Variants in CTNNA3 observed in about 807,000 individuals in gnomAD.
CTNNA3 encodes the protein catenin alpha 3.
In CTNNA3, 76 loss-of-function variants were observed where a neutral mutation model predicts 95.7. That is an observed-to-expected ratio of 0.79 (90% CI 0.66 to 0.96). The LOEUF (loss-of-function observed/expected upper bound fraction) is 0.96, where lower values mean the gene tolerates loss of function less well. Among genes scored for constraint, CTNNA3 ranks in the 40% least tolerant of loss-of-function variants. CTNNA3 has a pLI of 0.00. For synonymous variants in CTNNA3, 431 were observed against 374.4 expected (o/e 1.15, Z -1.74); for missense variants, 1,191 against 1,089.8 (o/e 1.09, Z -1.31).
intron 7 of CTNNA3, among the ~76,000 whole-genome samples, chr10:67,178,254 G>A (rs1862338151): frequency 6.6e-6 from 1 of 152,082 alleles, no homozygotes; most frequent in South Asian, 2.1e-4. Context: ...CACTTTATAA[G>A]TACCTCTATA....
intron 5 of CTNNA3, among the ~76,000 whole-genome samples, chr10:67,357,910 C>T (rs78299224): frequency 0.025 from 3,770 of 152,016 alleles, 163 homozygotes; most frequent in African/African-American, 0.085. Context: ...CAGTAATCAC[C>T]GCAACACATT....
intron 5 of CTNNA3, among the ~76,000 whole-genome samples, chr10:67,501,510 G>C (rs1044533680): frequency 1.3e-5 from 2 of 152,124 alleles, no homozygotes; most frequent in Non-Finnish European, 2.9e-5. Context: ...ATGTTGGCCT[G>C]TCTTGCTAGG....
chr10:67,576,775 A>G (rs1479846307), intron 3 of CTNNA3, among the ~76,000 whole-genome samples: 5 of 106,248 alleles, frequency 4.7e-5, no homozygotes, highest in Non-Finnish European at 8.2e-5. Flanking sequence ...TCATTGTTCA[A>G]TTCCCACCTA....
rs111425421 is a variant in CTNNA3 at position 66,103,198 on chromosome 10, G to A, written c.1936C>T (p.Arg646Cys). Residue 646 changes from arginine (R) to cysteine (C), a missense_variant, in exon 14 of 18, where the codon CGC (arginine) becomes TGC (cysteine). Physicochemically the swap from Arg to Cys is radical, Grantham distance 180 (BLOSUM62 -3). Transcript: ENST00000433211. ...TCGGTCTGAATGCTGGTGTGACTGC[G>A]GACCTCGTGTTCCTCTTCAAGGTCA... ...VSDLEEEHEV[R>C]SHTSIQTEGK... is the part of the protein sequence containing the mutation. The A allele has an allele frequency of 2.2e-4, 354 of 1,614,052 alleles. 3 individuals carry two copies. In the African/African-American group the frequency reaches 3.9e-3, roughly 18 times the overall value.
intron 4 of CTNNA3, among the ~76,000 whole-genome samples, chr10:67,529,643 A>C (rs1840260577): frequency 6.6e-6 from 1 of 151,152 alleles, no homozygotes; most frequent in South Asian, 2.1e-4. Context: ...AAAGTATAAT[A>C]ATAATACAAT....
intron 5 of CTNNA3, among the ~76,000 whole-genome samples, chr10:67,392,755 A>G (rs933677488): frequency 3.9e-5 from 6 of 152,180 alleles, no homozygotes; most frequent in South Asian, 2.1e-4. Flanking sequence ...TGTCCTTTGT[A>G]GGGACATGGA....
At chr10:66,107,746 C>T (rs2081964135) in intron 13 of CTNNA3, among the ~76,000 whole-genome samples, 1 of 151,360 alleles carries the variant, frequency 6.6e-6, no homozygotes, top group African/African-American at 2.4e-5. Flanking sequence ...CTTGCGCAGA[C>T]TTTATAAATA....
At chr10:66,888,538 T>G in intron 7 of CTNNA3, among the ~76,000 whole-genome samples, 1 of 133,872 alleles carries the variant, frequency 7.5e-6, no homozygotes, top group Admixed American at 7.6e-5. Flanking sequence ...CAGGTCATGG[T>G]AGTTTTTCAT....
intron 5 of CTNNA3, among the ~76,000 whole-genome samples, chr10:67,301,924 G>A (rs1007488309): frequency 2.0e-5 from 3 of 150,534 alleles, no homozygotes; most frequent in South Asian, 2.1e-4. Flanking sequence ...AGCGGAGATC[G>A]CGCCACTGCA....
At chr10:66,923,423 T>C (rs1846894995) in intron 7 of CTNNA3, among the ~76,000 whole-genome samples, 1 of 152,152 alleles carries the variant, frequency 6.6e-6, no homozygotes, top group East Asian at 1.9e-4. Context: ...TCTCAATGAC[T>C]ACGTGGGAGA....
At chr10:67,589,162 A>G (rs1004562958) in intron 3 of CTNNA3, among the ~76,000 whole-genome samples, 3 of 152,150 alleles carry the variant, frequency 2.0e-5, no homozygotes, top group African/African-American at 7.2e-5. Flanking sequence ...CTACTTAATA[A>G]TGGAAAATGA....
intron 5 of CTNNA3, among the ~76,000 whole-genome samples, chr10:67,263,785 G>A (rs547041926): frequency 6.6e-6 from 1 of 152,278 alleles, no homozygotes; most frequent in East Asian, 1.9e-4. Flanking sequence ...AGGGTAATGA[G>A]AATTCTGCTG....
At chr10:66,851,633 TACACACA>T (rs1843498327) in intron 7 of CTNNA3, among the ~76,000 whole-genome samples, 1 of 144,380 alleles carries the variant, frequency 6.9e-6, no homozygotes, top group Non-Finnish European at 1.5e-5. Context: ...TTCTCTCACA[TACACACA>T]CACACACACA....
intron 5 of CTNNA3, among the ~76,000 whole-genome samples, chr10:67,424,276 A>C (rs1589276630): frequency 6.6e-6 from 1 of 152,288 alleles, no homozygotes; most frequent in East Asian, 1.9e-4. Context: ...AAGATAATAA[A>C]ATTCTTCAAC....
intron 13 of CTNNA3, among the ~76,000 whole-genome samples, chr10:66,201,591 C>G (rs917508922): frequency 1.1e-4 from 16 of 152,168 alleles, no homozygotes; most frequent in Non-Finnish European, 1.6e-4. Flanking sequence ...GATGTTACTT[C>G]TTTTATCTAC....
At chr10:67,232,472 G>T (rs1589059951) in intron 5 of CTNNA3, among the ~76,000 whole-genome samples, 1 of 151,946 alleles carries the variant, frequency 6.6e-6, no homozygotes, top group South Asian at 2.1e-4. Context: ...GAGAGATTTT[G>T]TCACCACCAG....
intron 7 of CTNNA3, among the ~76,000 whole-genome samples, chr10:66,978,541 A>ATTAAAATAAAAATAAAAAAAAT (rs1437563245): frequency 1.8e-5 from 2 of 111,194 alleles, no homozygotes; most frequent in Admixed American, 1.0e-4. Context: ...AAAAAAAAAA[A>ATTAAAATAAAAATAAAAAAAAT]AAAAAAAAAA....
intron 17 of CTNNA3, among the ~76,000 whole-genome samples, chr10:65,954,488 T>C (rs146680374): frequency 0.018 from 2,693 of 152,298 alleles, 25 homozygotes; most frequent in Middle Eastern, 0.065. Flanking sequence ...TGGTATTGCC[T>C]AGGTTTTCTT....
intron 7 of CTNNA3, among the ~76,000 whole-genome samples, chr10:66,814,851 CT>C (rs71035183): frequency 0.45 from 51,368 of 114,274 alleles, 8,830 homozygotes; most frequent in East Asian, 0.64. Flanking sequence ...AGTTAGCATT[CT>C]TTTTTTTTTT....
Sources: allele counts gnomAD v4.1 joint callset (sites outside exome capture counted in the v4.1 genomes callset), GRCh38; gene constraint gnomAD v4.1.1; transcripts MANE v1.5; gene names NCBI Gene and HGNC (gene_info 2026-07-23, HGNC 2026-07-21).